OR6N1: variants seen among roughly 807,000 people sequenced by gnomAD.
OR6N1 encodes the protein olfactory receptor 6N1.
For missense variants in OR6N1, 394 were observed against 371.7 expected (o/e 1.06, Z -0.49); for synonymous variants, 170 against 150.7 (o/e 1.13, Z -0.94).
chr1:158,814,300 A>G, the OR6N1 span, among the ~76,000 whole-genome samples: 203 of 152,140 alleles, frequency 1.3e-3, no homozygotes, highest in Non-Finnish European at 2.2e-3. Flanking sequence ...ATATATGTGC[A>G]CACCTGTGTG....
the OR6N1 span, among the ~76,000 whole-genome samples, chr1:158,836,227 T>A: frequency 6.6e-6 from 1 of 152,116 alleles, no homozygotes; most frequent in Non-Finnish European, 1.5e-5. Context: ...TGCATTGGAG[T>A]AATGCTGAGT....
chr1:158,766,653 T>G lies in OR6N1; in HGVS notation c.30A>C (p.Ala10=). 1 of 1,612,786 alleles carries G rather than the reference T, an allele frequency of 6.2e-7. No individual in the cohort carries two copies. Among genetic ancestry groups the G allele is most frequent in the South Asian group, 1.1e-5 (1 of 91,016 alleles). Residue 10 remains alanine (A), a synonymous_variant, in exon 2 of 2, where the codon GCA becomes GCC. Coordinates refer to ENST00000641846, the MANE Select transcript of OR6N1 (RefSeq NM_001005185.2). MDTGNWSQV[A]EFIILGFPHL... ...GGGGGAAGCCCAAGATGATGAATTC[T>G]GCTACCTGGCTCCAGTTCCCTGTGT...
upstream of OR6N1, chr1:158,776,598 T>C (rs1341916785): frequency 4.2e-6 from 3 of 716,748 alleles, no homozygotes; most frequent in Non-Finnish European, 7.0e-6. Flanking sequence ...GAAATGAAAT[T>C]CAGAGCATGT....
the OR6N1 span, among the ~76,000 whole-genome samples, chr1:158,826,063 C>A: frequency 3.5e-3 from 525 of 151,656 alleles, 1 homozygote; most frequent in African/African-American, 0.012. Flanking sequence ...GGGAGCCAAA[C>A]AATGAGAAGA....
upstream of OR6N1, chr1:158,776,546 T>A (rs2518524): frequency 1.9e-6 from 1 of 516,780 alleles, no homozygotes; most frequent in Non-Finnish European, 3.4e-6. Flanking sequence ...ATGTAGAAAA[T>A]GAGAAAATCA....
At chr1:158,803,783 G>T in the OR6N1 span, among the ~76,000 whole-genome samples, 1 of 152,156 alleles carries the variant, frequency 6.6e-6, no homozygotes, top group Non-Finnish European at 1.5e-5. Flanking sequence ...GTAGATATGC[G>T]TACTAAACAA....
the OR6N1 span, among the ~76,000 whole-genome samples, chr1:158,813,392 AAAT>A: frequency 6.6e-6 from 1 of 152,170 alleles, no homozygotes; most frequent in Non-Finnish European, 1.5e-5. Flanking sequence ...GAGATTTGTT[AAAT>A]CTCCCGTTTG....
chr1:158,816,905 G>C, the OR6N1 span, among the ~76,000 whole-genome samples: 2 of 152,208 alleles, frequency 1.3e-5, no homozygotes, highest in African/African-American at 4.8e-5. Flanking sequence ...CACTGCCAGT[G>C]TCTCATTTTG....
chr1:158,810,794 A>T, the OR6N1 span, among the ~76,000 whole-genome samples: 77,147 of 152,086 alleles, frequency 0.51, 22,569 homozygotes, highest in African/African-American at 0.79. Flanking sequence ...TCTGGTAAGA[A>T]CAGCCAAATG....
At chr1:158,828,472 A>G in the OR6N1 span, among the ~76,000 whole-genome samples, 1 of 152,212 alleles carries the variant, frequency 6.6e-6, no homozygotes, top group Non-Finnish European at 1.5e-5. Context: ...CAAATCTTAA[A>G]GCTTCAAAAT....
At chr1:158,794,833 A>G in the OR6N1 span, among the ~76,000 whole-genome samples, 1 of 152,136 alleles carries the variant, frequency 6.6e-6, no homozygotes, top group African/African-American at 2.4e-5. Flanking sequence ...GTTGCTTCCA[A>G]CCAGGAGGTG....
the OR6N1 span, among the ~76,000 whole-genome samples, chr1:158,807,212 G>A: frequency 1.4e-4 from 21 of 152,132 alleles, no homozygotes; most frequent in Admixed American, 7.9e-4. Flanking sequence ...ATTTTATTAC[G>A]TAAATATTGG....
At chr1:158,822,847 C>A in the OR6N1 span, among the ~76,000 whole-genome samples, 4 of 152,104 alleles carry the variant, frequency 2.6e-5, no homozygotes, top group African/African-American at 9.7e-5. Context: ...CTGTGGGTTT[C>A]TCATAGAAGG....
At chr1:158,772,864 A>G (rs1558034025), upstream of OR6N1, among the ~76,000 whole-genome samples, 1 of 152,204 alleles carries the variant, frequency 6.6e-6, no homozygotes, top group Non-Finnish European at 1.5e-5. Context: ...AATAAAAATG[A>G]TAAGTACTAT....
chr1:158,765,637 C>T lies in OR6N1; in HGVS notation c.*107G>A, dbSNP rs1657229723. 1 of 896,944 alleles carries T rather than the reference C, an allele frequency of 1.1e-6. No individual in the cohort carries two copies. 55.6% of individuals were successfully genotyped at this position (896,944 alleles called of 1,614,324 possible). A position where few individuals can be genotyped will look rare whatever the true frequency, so the allele number is the denominator to read the frequency against. ...GTCAGCACTTGCTGCAGCTCCACCA[C>T]CCCACATAGAAAAGCACTGAATTTT... On this transcript the variant is annotated 3_prime_UTR_variant, in exon 2 of 2. Coordinates refer to ENST00000641846, the MANE Select transcript of OR6N1 (RefSeq NM_001005185.2).
At chr1:158,829,403 C>T in the OR6N1 span, among the ~76,000 whole-genome samples, 5,864 of 152,256 alleles carry the variant, frequency 0.039, 317 homozygotes, top group Admixed American at 0.13. Context: ...CTCTCTCAAA[C>T]TCTAAGACAC....
the OR6N1 span, among the ~76,000 whole-genome samples, chr1:158,778,289 C>A: frequency 1.1e-3 from 167 of 152,250 alleles, 1 homozygote; most frequent in African/African-American, 3.7e-3. Context: ...TTGTAAAGTA[C>A]AGAACACTTC....
chr1:158,792,843 G>A, the OR6N1 span, among the ~76,000 whole-genome samples: 2 of 152,168 alleles, frequency 1.3e-5, no homozygotes, highest in Non-Finnish European at 1.5e-5. Context: ...GGCCAGGGAA[G>A]TTTTCCTCAA....
At chr1:158,777,075 C>T (rs1657618824), upstream of OR6N1, 1 of 1,614,090 alleles carries the variant, frequency 6.2e-7, no homozygotes, top group Non-Finnish European at 8.5e-7. Context: ...CCTTGCAGGC[C>T]AAGCTCAGCA....
Sources: gnomAD v4.1 joint callset for allele counts (sites outside exome capture counted in the v4.1 genomes callset) on GRCh38, gnomAD v4.1.1 for gene constraint, MANE v1.5 for transcripts, NCBI Gene and HGNC (gene_info 2026-07-23, HGNC 2026-07-21) for gene names.